RASA2: variants seen among roughly 807,000 people sequenced by gnomAD.
The protein encoded by RASA2 is RAS p21 protein activator 2, also known as ras GTPase-activating protein 2.
RASA2 carries 155 observed loss-of-function variants against 118.2 expected under a neutral mutation model. The observed-to-expected ratio is 1.31, with a 90% CI of 1.15 to 1.50. The LOEUF (loss-of-function observed/expected upper bound fraction) is 1.50, where lower values mean the gene tolerates loss of function less well. RASA2 is among the 40% of genes most tolerant of loss of function. RASA2 has a pLI of 0.00. For synonymous variants in RASA2, 353 were observed against 349.1 expected (o/e 1.01, Z -0.12); for missense variants, 1,016 against 1,009.6 (o/e 1.01, Z -0.09).
At chr3:141,607,455 A>C (rs1462147970) in intron 19 of RASA2, among the ~76,000 whole-genome samples, 2 of 152,114 alleles carry the variant, frequency 1.3e-5, no homozygotes, top group African/African-American at 4.8e-5. Context: ...AAAATGTTTT[A>C]ATATTATATG....
chr3:141,578,587 A>G (rs1334510741), intron 15 of RASA2: 1 of 152,228 alleles, frequency 6.6e-6, no homozygotes, highest in Non-Finnish European at 1.5e-5. Flanking sequence ...CTTTCTTGCC[A>G]AAGGATAAAT....
chr3:141,577,166 A>G lies in RASA2; in HGVS notation c.1590+60A>G, dbSNP rs2083026385. 6 of 1,342,922 alleles carry G rather than the reference A, an allele frequency of 4.5e-6. No individual in the cohort carries two copies. The East Asian group carries it at 1.5e-4, about 33-fold the overall frequency. 83.2% of individuals were successfully genotyped at this position (1,342,922 alleles called of 1,614,324 possible). ...TTTTTTAATTTTTATTAAAATGAAG[A>G]AAAGATAAAATAAACCAATTTCACT... On this transcript the variant is annotated intron_variant, in intron 15 of 23. Coordinates refer to ENST00000286364, the MANE Select transcript of RASA2 (RefSeq NM_006506.5).
At chr3:141,586,984 GCT>G in intron 19 of RASA2, 2 of 520,802 alleles carry the variant, frequency 3.8e-6, no homozygotes, top group Non-Finnish European at 6.9e-6. Flanking sequence ...CCTTCAGTGT[GCT>G]CTGTTTTCTA....
chr3:141,488,549 T>G (rs1280704492), intron 1 of RASA2, among the ~76,000 whole-genome samples: 1 of 152,190 alleles, frequency 6.6e-6, no homozygotes, highest in Non-Finnish European at 1.5e-5. Context: ...TTTTATTCCC[T>G]GAGGTAGTCC....
At chr3:141,554,953 A>G (rs957896742) in intron 6 of RASA2, among the ~76,000 whole-genome samples, 3 of 152,302 alleles carry the variant, frequency 2.0e-5, no homozygotes, top group Non-Finnish European at 4.4e-5. Context: ...ACAATTTGGC[A>G]TATGAATTTG....
intron 19 of RASA2, among the ~76,000 whole-genome samples, chr3:141,596,098 A>G (rs1232019517): frequency 1.3e-5 from 2 of 152,224 alleles, no homozygotes; most frequent in Non-Finnish European, 2.9e-5. Context: ...GCATTGGAAC[A>G]TTCAGTAAAA....
At chr3:141,508,333 A>G (rs1478400535) in intron 1 of RASA2, among the ~76,000 whole-genome samples, 1 of 152,120 alleles carries the variant, frequency 6.6e-6, no homozygotes, top group Non-Finnish European at 1.5e-5. Flanking sequence ...GTGGGACTGA[A>G]AAGCAGTGTT....
At chr3:141,594,656 CAACCT>C (rs1412325861) in intron 19 of RASA2, among the ~76,000 whole-genome samples, 7 of 152,096 alleles carry the variant, frequency 4.6e-5, no homozygotes, top group African/African-American at 7.2e-5. Flanking sequence ...ACAAAAGTCT[CAACCT>C]AACATTCTAG....
At chr3:141,540,383 G>C (rs1373210506) in intron 4 of RASA2, 150 bp from the exon 5 acceptor site, 1 of 480,714 alleles carries the variant, frequency 2.1e-6, no homozygotes, top group African/African-American at 2.0e-5. Flanking sequence ...TCTGGTTTTG[G>C]TTATTATTCA....
intron 5 of RASA2, among the ~76,000 whole-genome samples, chr3:141,548,073 G>A (rs1272057106): frequency 2.0e-5 from 3 of 152,106 alleles, no homozygotes; most frequent in African/African-American, 7.2e-5. Context: ...ACGTGTTGTC[G>A]AATTGGGTTT....
At chr3:141,572,916 A>G (rs2082947404) in intron 12 of RASA2, among the ~76,000 whole-genome samples, 193 bp downstream of exon 12, 1 of 152,210 alleles carries the variant, frequency 6.6e-6, no homozygotes, top group Non-Finnish European at 1.5e-5. Context: ...TATAATCTAC[A>G]TTATTTCTTT....
intron 4 of RASA2, among the ~76,000 whole-genome samples, chr3:141,532,785 C>T (rs978447971): frequency 6.6e-6 from 1 of 152,068 alleles, no homozygotes; most frequent in African/African-American, 2.4e-5. Context: ...TGCCCTGACT[C>T]AGTACAGCAA....
intron 4 of RASA2, 32 bp downstream of exon 4, chr3:141,529,834 T>C: frequency 6.7e-7 from 1 of 1,485,202 alleles, no homozygotes; most frequent in Non-Finnish European, 9.3e-7. Flanking sequence ...ATACAAGAGA[T>C]TGTCACAGGA....
rs1050900813 is a variant in RASA2, at chr3:141,614,213, G to A, written c.*1900G>A. 2 of 151,860 alleles carry A rather than the reference G, an allele frequency of 1.3e-5. No homozygotes were observed. Among genetic ancestry groups the A allele is most frequent in the African/African-American group, 4.8e-5 (2 of 41,324 alleles). The allele number at this position is 151,860 out of a possible 1,614,324, so 9.4% of individuals were successfully genotyped here. Reference sequence around the variant, plus strand: ...AATTGTGATTGTTTTAAAGATCATGGTATGATCACAGGGACCAAGGCTGTG... The same window carrying A: ...AATTGTGATTGTTTTAAAGATCATGATATGATCACAGGGACCAAGGCTGTG... On this transcript the variant is annotated 3_prime_UTR_variant, in exon 24 of 24. Transcript: ENST00000286364.
chr3:141,487,304 A>G (rs1577623986), intron 1 of RASA2, 88 bp downstream of exon 1: 1 of 1,158,464 alleles, frequency 8.6e-7, no homozygotes, highest in South Asian at 4.0e-5. Context: ...GGCGGCGCCG[A>G]GCTGCGCTGG....
At chr3:141,502,830 A>T (rs562938687) in intron 1 of RASA2, among the ~76,000 whole-genome samples, 1 of 152,278 alleles carries the variant, frequency 6.6e-6, no homozygotes, top group African/African-American at 2.4e-5. Flanking sequence ...GATTAATCCC[A>T]CTGGGACCCA....
At chr3:141,602,700 A>G (rs2083484463) in intron 19 of RASA2, among the ~76,000 whole-genome samples, 1 of 152,178 alleles carries the variant, frequency 6.6e-6, no homozygotes, top group Non-Finnish European at 1.5e-5. Flanking sequence ...AGGGGGCCTC[A>G]CCTGAACTTG....
intron 4 of RASA2, among the ~76,000 whole-genome samples, chr3:141,532,868 A>G (rs1481825532): frequency 6.6e-6 from 1 of 152,148 alleles, no homozygotes; most frequent in Non-Finnish European, 1.5e-5. Context: ...CACTGTGCTT[A>G]TTGAGCATAA....
At chr3:141,548,991 T>C (rs1459446161) in intron 5 of RASA2, among the ~76,000 whole-genome samples, 1 of 152,216 alleles carries the variant, frequency 6.6e-6, no homozygotes, top group Non-Finnish European at 1.5e-5. Context: ...CTGATTTCAC[T>C]TTAAATTTAT....
Sources: gnomAD v4.1 joint callset for allele counts (sites outside exome capture counted in the v4.1 genomes callset) on GRCh38, gnomAD v4.1.1 for gene constraint, MANE v1.5 for transcripts, NCBI Gene and HGNC (gene_info 2026-07-23, HGNC 2026-07-21) for gene names.